Variants in CNTNAP2 observed in about 807,000 individuals in gnomAD.
The protein encoded by CNTNAP2 is contactin associated protein 2, also known as contactin-associated protein-like 2.
A neutral mutation model predicts 155.2 loss-of-function variants in CNTNAP2; 98 were observed. The ratio of observed to expected loss-of-function variants is 0.63; its 90% confidence interval spans 0.54 to 0.75. The LOEUF is 0.75. CNTNAP2 is among the 30% of genes least tolerant of loss of function. CNTNAP2 has a pLI of 0.00. For missense variants in CNTNAP2, 1,727 were observed against 1,688.1 expected, an observed-to-expected ratio of 1.02 and a Z score of -0.40; for synonymous variants, 651 against 631.2, an observed-to-expected ratio of 1.03 and a Z score of -0.47.
chr7:147,515,882 C>G (rs946795263), intron 11 of CNTNAP2, among the ~76,000 whole-genome samples: 1 of 152,054 alleles, frequency 6.6e-6, no homozygotes, highest in African/African-American at 2.4e-5. Flanking sequence ...CCTACAAAAG[C>G]CTGATTCAGT....
chr7:146,184,535 T>C (rs1300699601), intron 1 of CNTNAP2, among the ~76,000 whole-genome samples: 2 of 152,178 alleles, frequency 1.3e-5, no homozygotes, highest in East Asian at 1.9e-4. Context: ...TAATAGAATA[T>C]ATTTTAATTT....
chr7:147,517,878 T>C (rs1451136131), intron 11 of CNTNAP2, among the ~76,000 whole-genome samples: 1 of 152,204 alleles, frequency 6.6e-6, no homozygotes, highest in Middle Eastern at 3.2e-3. Context: ...ATAAAAAGAA[T>C]AAGAACCATC....
intron 1 of CNTNAP2, among the ~76,000 whole-genome samples, chr7:146,441,481 A>G (rs919050609): frequency 1.3e-5 from 2 of 151,584 alleles, no homozygotes; most frequent in African/African-American, 4.9e-5. Flanking sequence ...TTTCATTTAA[A>G]GTGGCCCTCT....
intron 1 of CNTNAP2, among the ~76,000 whole-genome samples, chr7:146,577,716 T>A (rs1004723867): frequency 6.6e-6 from 1 of 152,110 alleles, no homozygotes; most frequent in South Asian, 2.1e-4. Context: ...CTTTGCTCAT[T>A]AAAAATGCAC....
chr7:147,647,933 A>T (rs1795393362), intron 13 of CNTNAP2, among the ~76,000 whole-genome samples: 1 of 152,154 alleles, frequency 6.6e-6, no homozygotes, highest in African/African-American at 2.4e-5. Context: ...CCTAGAGAGG[A>T]AGCCATCCCC....
At chr7:146,687,903 A>G (rs960817325) in intron 1 of CNTNAP2, among the ~76,000 whole-genome samples, 2 of 152,138 alleles carry the variant, frequency 1.3e-5, no homozygotes, top group Non-Finnish European at 2.9e-5. Flanking sequence ...GTGTATGTGC[A>G]TGTGTGTGTG....
At position 146,172,424 on chromosome 7, in the gene CNTNAP2, T is replaced by C. The variant is rs377121235; in HGVS notation, c.97+55451T>C. ...TAGTACCAAGGTTGAGAAATTCTTA[T>C]TGAAACATACACTGCGCAGCCACCT... On this transcript the variant is annotated intron_variant, in intron 1 of 23. Transcript: ENST00000361727. Among the ~76,000 whole-genome samples the C allele has an allele frequency of 3.9e-5, 6 of 152,270 alleles. No individual in the cohort carries two copies. In the South Asian group the frequency reaches 8.3e-4, roughly 21 times the overall value.
intron 2 of CNTNAP2, among the ~76,000 whole-genome samples, chr7:146,807,357 C>G (rs1035956054): frequency 6.6e-6 from 1 of 151,950 alleles, no homozygotes; most frequent in Non-Finnish European, 1.5e-5. Context: ...TTCCTTGTTG[C>G]TAGATTATGA....
chr7:147,834,030 T>C (rs1421677975), intron 13 of CNTNAP2, among the ~76,000 whole-genome samples: 1 of 152,176 alleles, frequency 6.6e-6, no homozygotes, highest in African/African-American at 2.4e-5. Flanking sequence ...AATTGAAAGA[T>C]TAGATATGGG....
intron 13 of CNTNAP2, among the ~76,000 whole-genome samples, chr7:147,833,762 C>G (rs1219023725): frequency 6.6e-6 from 1 of 152,212 alleles, no homozygotes; most frequent in African/African-American, 2.4e-5. Context: ...TCTTACTGGT[C>G]GCATCCAAGA....
intron 1 of CNTNAP2, among the ~76,000 whole-genome samples, chr7:146,296,691 C>G (rs1800519583): frequency 6.6e-6 from 1 of 151,852 alleles, no homozygotes. Flanking sequence ...ATTAACAATA[C>G]AAACAATATA....
chr7:147,714,145 T>C (rs73166211), intron 13 of CNTNAP2, among the ~76,000 whole-genome samples: 4,497 of 152,148 alleles, frequency 0.03, 104 homozygotes, highest in Non-Finnish European at 0.045. Flanking sequence ...ATTGTTCCCA[T>C]TTGATAAGGA....
At chr7:146,629,711 C>T (rs1056227371) in intron 1 of CNTNAP2, among the ~76,000 whole-genome samples, 1 of 152,062 alleles carries the variant, frequency 6.6e-6, no homozygotes, top group Non-Finnish European at 1.5e-5. Context: ...CAATTTTCTT[C>T]TTGCAGATTA....
chr7:146,864,934 G>A (rs1293640723), intron 3 of CNTNAP2, among the ~76,000 whole-genome samples: 1 of 142,014 alleles, frequency 7.0e-6, no homozygotes, highest in East Asian at 2.1e-4. Context: ...GGAGTTCAAG[G>A]TTGCAGTGAG....
chr7:147,029,033 G>T (rs977442831), intron 3 of CNTNAP2, among the ~76,000 whole-genome samples: 6 of 140,856 alleles, frequency 4.3e-5, no homozygotes, highest in African/African-American at 8.3e-5. Context: ...GTGCGATCTC[G>T]GCTCACTGCA....
At chr7:146,877,904 A>G (rs753550941) in intron 3 of CNTNAP2, among the ~76,000 whole-genome samples, 3 of 152,160 alleles carry the variant, frequency 2.0e-5, no homozygotes, top group Non-Finnish European at 4.4e-5. Flanking sequence ...TTCATAAAAT[A>G]CAGTTCATTA....
chr7:147,362,455 G>C (rs1409542310), intron 9 of CNTNAP2, among the ~76,000 whole-genome samples: 1 of 152,104 alleles, frequency 6.6e-6, no homozygotes, highest in African/African-American at 2.4e-5. Flanking sequence ...TATCTTTTAT[G>C]TCCTAGCCTT....
chr7:146,232,524 GGAGT>G (rs1799402899), intron 1 of CNTNAP2, among the ~76,000 whole-genome samples: 1 of 152,032 alleles, frequency 6.6e-6, no homozygotes, highest in African/African-American at 2.4e-5. Flanking sequence ...CTCCTCATTT[GGAGT>G]GAGACTAGGT....
chr7:146,587,013 C>A (rs1268631208), intron 1 of CNTNAP2, among the ~76,000 whole-genome samples: 2 of 148,698 alleles, frequency 1.3e-5, no homozygotes, highest in Admixed American at 6.6e-5. Flanking sequence ...TATGGTACCA[C>A]CAAACATGAG....
Sources: allele counts gnomAD v4.1 joint callset (sites outside exome capture counted in the v4.1 genomes callset), GRCh38; gene constraint gnomAD v4.1.1; transcripts MANE v1.5; gene names NCBI Gene and HGNC (gene_info 2026-07-23, HGNC 2026-07-21).